The following ELAVL1 variants were observed in gnomAD, a reference collection of about 807,000 sequenced individuals.
ELAVL1 encodes the protein ELAV like RNA binding protein 1, also known as ELAV-like protein 1.
In ELAVL1, 1 loss-of-function variant was observed where a neutral mutation model predicts 28.4. The ratio of observed to expected loss-of-function variants is 0.04; its 90% CI spans 0.01 to 0.17. The LOEUF is 0.17. Ranked by LOEUF, ELAVL1 falls within the 10% of genes least tolerant of loss-of-function variation. The pLI is 1.00. For missense variants in ELAVL1, 157 were observed against 447.2 expected (o/e 0.35, Z 5.85); for synonymous variants, 174 against 183.5 (o/e 0.95, Z 0.42).
chr19:7,978,215 T>C (rs1026600241), intron 3 of ELAVL1, among the ~76,000 whole-genome samples: 1 of 152,238 alleles, frequency 6.6e-6, no homozygotes, highest in African/African-American at 2.4e-5. Flanking sequence ...AGGAGGAAGC[T>C]TGTAAAACTC....
At chr19:7,975,885 G>A (rs994331334) in intron 3 of ELAVL1, among the ~76,000 whole-genome samples, 1 of 152,020 alleles carries the variant, frequency 6.6e-6, no homozygotes, top group African/African-American at 2.4e-5. Context: ...TGGGAGGATC[G>A]CTTGAACCCA....
chr19:7,978,831 T>C (rs899014848), intron 3 of ELAVL1, among the ~76,000 whole-genome samples: 1 of 152,160 alleles, frequency 6.6e-6, no homozygotes, highest in Non-Finnish European at 1.5e-5. Context: ...CTGTGCTAAC[T>C]CTGGGTGACT....
rs1815747287 is a variant in ELAVL1 at position 8,005,334 on chromosome 19, C to A, written c.-17+161G>T. Among the ~76,000 whole-genome samples the A allele has an allele frequency of 2.7e-5, 4 of 149,446 alleles. 1 individual carries two copies. The South Asian group carries it at 8.3e-4, about 31-fold the overall frequency. On this transcript the variant is annotated intron_variant, in intron 1 of 5. Transcript: ENST00000407627. ...CGGCGCCCACACCGGCCCGCCCCGACCCGCCCGCCGCGGCCCCAGCGCGCG... is the reference window on the plus strand; with the variant it reads ...CGGCGCCCACACCGGCCCGCCCCGAACCGCCCGCCGCGGCCCCAGCGCGCG...
At chr19:7,997,601 C>T (rs1568317389) in intron 1 of ELAVL1, among the ~76,000 whole-genome samples, 1 of 152,104 alleles carries the variant, frequency 6.6e-6, no homozygotes. Context: ...TTTGTCAAAA[C>T]TCAGAGAACT....
intron 1 of ELAVL1, among the ~76,000 whole-genome samples, chr19:7,994,312 C>T (rs1377912284): frequency 6.6e-6 from 1 of 152,206 alleles, no homozygotes; most frequent in African/African-American, 2.4e-5. Flanking sequence ...GGAGGGGGTG[C>T]TACTGACACC....
At chr19:7,991,272 G>C (rs1356076295) in intron 2 of ELAVL1, among the ~76,000 whole-genome samples, 2 of 152,196 alleles carry the variant, frequency 1.3e-5, no homozygotes, top group Non-Finnish European at 2.9e-5. Context: ...GCCCTGGACA[G>C]TACACTCGCC....
At chr19:7,974,859 C>A (rs1335095752) in intron 3 of ELAVL1, among the ~76,000 whole-genome samples, 2 of 152,238 alleles carry the variant, frequency 1.3e-5, no homozygotes, top group East Asian at 1.9e-4. Context: ...AGAACACACA[C>A]ACAGCATCCT....
rs1984996993 is a variant in ELAVL1 at position 7,967,875 on chromosome 19, C to T, written c.431-85G>A. 6.9e-6 allele frequency: 10 copies of T among 1,447,160 alleles called. No individual in the cohort carries two copies. The South Asian group carries it at 1.2e-4, about 17-fold the overall frequency. The allele number at this position is 1,447,160 out of a possible 1,614,324, so 89.6% of individuals were successfully genotyped here. On this transcript the variant is annotated intron_variant, in intron 4 of 5. Coordinates refer to ENST00000407627, the MANE Select transcript of ELAVL1 (RefSeq NM_001419.3). ...GAAAAGCAAAAGTCAGGTCAGTCTA[C>T]TGTGGGCCAGGCTAGAAGTCTGGTT... is the stretch of plus-strand genomic sequence containing the variant.
At chr19:7,994,766 A>G (rs972214987) in intron 1 of ELAVL1, among the ~76,000 whole-genome samples, 1 of 152,236 alleles carries the variant, frequency 6.6e-6, no homozygotes, top group African/African-American at 2.4e-5. Context: ...AGTCTGGACA[A>G]CAACGTGAGA....
At chr19:7,997,843 CG>C (rs1376792024) in intron 1 of ELAVL1, among the ~76,000 whole-genome samples, 3 of 151,868 alleles carry the variant, frequency 2.0e-5, no homozygotes, top group Admixed American at 1.3e-4. Context: ...CCCAGCTAAT[CG>C]GGGGGCTCAG....
At chr19:7,969,980 A>T (rs11260041) in intron 4 of ELAVL1, among the ~76,000 whole-genome samples, 10 of 149,750 alleles carry the variant, frequency 6.7e-5, no homozygotes, top group African/African-American at 9.9e-5. Flanking sequence ...TTTATTTTTA[A>T]TTTTTTTTTT....
Position 7,960,978 on chromosome 19 carries a change from C to T in ELAVL1, c.*2505G>A, listed in dbSNP as rs1984789410. ...CTAAATCCTTCCACAAGCTTGCAAG[C>T]TAAGACTCCCAAATAAAGGCTTTGG... is the stretch of plus-strand genomic sequence containing the variant. On this transcript the variant is annotated 3_prime_UTR_variant, in exon 6 of 6. Coordinates refer to ENST00000407627, the MANE Select transcript of ELAVL1 (RefSeq NM_001419.3). 1 of 152,152 alleles carries T rather than the reference C, an allele frequency of 6.6e-6. No homozygotes were observed. Among genetic ancestry groups the T allele is most frequent in the Non-Finnish European group, 1.5e-5 (1 of 68,022 alleles). 9.4% of individuals were successfully genotyped at this position (152,152 alleles called of 1,614,324 possible). A position where few individuals can be genotyped will look rare whatever the true frequency, so the allele number is the denominator to read the frequency against.
At chr19:8,001,138 TACC>T (rs1452816734) in intron 1 of ELAVL1, among the ~76,000 whole-genome samples, 2 of 152,188 alleles carry the variant, frequency 1.3e-5, no homozygotes, top group African/African-American at 4.8e-5. Context: ...GTACAGTGAG[TACC>T]TGTCTCTAGT....
At chr19:7,987,119 G>A (rs1171937273) in intron 2 of ELAVL1, among the ~76,000 whole-genome samples, 2 of 149,482 alleles carry the variant, frequency 1.3e-5, no homozygotes, top group South Asian at 2.1e-4. Flanking sequence ...GGGGTGCCGG[G>A]GGGGGGGGAG....
intron 3 of ELAVL1, among the ~76,000 whole-genome samples, chr19:7,974,312 C>T (rs1323576784): frequency 6.6e-6 from 1 of 152,258 alleles, no homozygotes; most frequent in Non-Finnish European, 1.5e-5. Context: ...AGCAAGCTCG[C>T]CACAGAAGCC....
Position 7,973,882 on chromosome 19 carries a change from G to A in ELAVL1, c.277-4C>T. On this transcript the variant is annotated splice_region_variant and splice_polypyrimidine_tract_variant and intron_variant, in intron 3 of 5. Coordinates refer to ENST00000407627, the MANE Select transcript of ELAVL1 (RefSeq NM_001419.3). ...AGCTCGGGCGAGCATACGACACCTT[G>A]GGAACACAACCACTTTCCGAGATTA... 5 of 1,613,774 alleles carry A rather than the reference G, an allele frequency of 3.1e-6. No individual in the cohort carries two copies. The highest frequency in any genetic ancestry group is 1.1e-5 in the South Asian group (1 of 91,066).
At chr19:7,997,336 A>T (rs2081053174) in intron 1 of ELAVL1, among the ~76,000 whole-genome samples, 1 of 152,238 alleles carries the variant, frequency 6.6e-6, no homozygotes, top group Non-Finnish European at 1.5e-5. Context: ...GGGATACACC[A>T]TACAACAGAA....
intron 4 of ELAVL1, chr19:7,973,496 C>T: frequency 1.7e-6 from 1 of 572,314 alleles, no homozygotes; most frequent in East Asian, 2.9e-5. Context: ...TCCCAAAGTG[C>T]TGGGATTACA....
In ELAVL1 at chr19:7,963,371, CAA is replaced by C; in HGVS notation, c.*110_*111del. 7.7e-7 allele frequency: 1 copy of C among 1,302,644 alleles called. No individual in the cohort carries two copies. The highest frequency in any genetic ancestry group is 1.0e-6 in the Non-Finnish European group (1 of 952,504). The allele number at this position is 1,302,644 out of a possible 1,614,324, so 80.7% of individuals were successfully genotyped here. A position where few individuals can be genotyped will look rare whatever the true frequency, so the allele number is the denominator to read the frequency against. ...AAAACCTTCTCACTTCTCATTCAGA[CAA>C]AGACAAACACTTGTGAAAATTGGCG... On this transcript the variant is annotated 3_prime_UTR_variant, in exon 6 of 6. Transcript: ENST00000407627. The surrounding 1 kb of genome is among the most constrained non-coding windows in gnomAD (Gnocchi z 4.5).
Sources: gnomAD v4.1 joint callset for allele counts (sites outside exome capture counted in the v4.1 genomes callset) on GRCh38, gnomAD v4.1.1 for gene constraint, Gnocchi (gnomAD v3.1) non-coding constraint, MANE v1.5 for transcripts, NCBI Gene and HGNC (gene_info 2026-07-23, HGNC 2026-07-21) for gene names.